Variants in NRXN1 observed in about 807,000 individuals in gnomAD.
The protein encoded by NRXN1 is neurexin 1.
In NRXN1, 39 loss-of-function variants were observed where a neutral mutation model predicts 150.9. That is an observed-to-expected ratio of 0.26 (90% CI 0.20 to 0.34). The LOEUF is 0.34. Ranked by LOEUF, NRXN1 falls within the 10% of genes least tolerant of loss-of-function variation. The probability of loss-of-function intolerance (pLI) is 1.00; values close to 1 mark genes in which losing one functional copy is unlikely to be tolerated. For synonymous variants in NRXN1, 924 were observed against 757.0 expected (o/e 1.22, Z -3.62); for missense variants, 1,815 against 1,949.9 (o/e 0.93, Z 1.30).
At chr2:49,980,878 C>T (rs1020920128) in intron 21 of NRXN1, among the ~76,000 whole-genome samples, 11 of 152,192 alleles carry the variant, frequency 7.2e-5, no homozygotes, top group Middle Eastern at 3.4e-3. Flanking sequence ...TGAGAACCTA[C>T]TGAAGTCAGA....
chr2:50,811,586 A>G lies in NRXN1; in HGVS notation c.832+110283T>C, dbSNP rs370685319. Among the ~76,000 whole-genome samples the G allele has an allele frequency of 3.2e-4, 49 of 152,270 alleles. No homozygotes were observed. The South Asian group carries it at 8.5e-3, about 26-fold the overall frequency. On this transcript the variant is annotated intron_variant, in intron 5 of 22. Transcript: ENST00000401669. ...TCCAAAGCACAGACAATTGCAACCA[A>G]TGTTCTAGAGTTACTTCTGAATATT...
chr2:50,312,750 A>G (rs1422145426), intron 17 of NRXN1: 1 of 516,882 alleles, frequency 1.9e-6, no homozygotes, highest in Non-Finnish European at 3.9e-6. Context: ...AGCCAAATAC[A>G]TATGTTGCAA....
At chr2:50,578,866 G>A (rs1039099089) in intron 8 of NRXN1, among the ~76,000 whole-genome samples, 8 of 151,932 alleles carry the variant, frequency 5.3e-5, no homozygotes, top group Non-Finnish European at 1.2e-4. Flanking sequence ...CACTGGAAAG[G>A]CATTGATGAG....
At chr2:50,752,956 T>C (rs912059707) in intron 5 of NRXN1, among the ~76,000 whole-genome samples, 2 of 151,990 alleles carry the variant, frequency 1.3e-5, no homozygotes, top group Admixed American at 1.3e-4. Context: ...CATTTAATTC[T>C]AATTTAATAG....
At chr2:50,940,621 TAACA>T (rs1689285778) in intron 2 of NRXN1, among the ~76,000 whole-genome samples, 2 of 152,110 alleles carry the variant, frequency 1.3e-5, no homozygotes, top group Admixed American at 6.6e-5. Context: ...AGACTTCAGA[TAACA>T]AACAAGATGA....
chr2:51,003,596 A>G (rs1700333087), intron 2 of NRXN1, among the ~76,000 whole-genome samples: 1 of 152,022 alleles, frequency 6.6e-6, no homozygotes, highest in African/African-American at 2.4e-5. Context: ...AATTGAAAAA[A>G]GGCAGACTGG....
chr2:50,822,129 A>C (rs1042292798), intron 5 of NRXN1, among the ~76,000 whole-genome samples: 1 of 152,158 alleles, frequency 6.6e-6, no homozygotes, highest in Non-Finnish European at 1.5e-5. Context: ...GAAAATAAAA[A>C]CAATTAGCTA....
chr2:50,874,328 C>A (rs1318221872), intron 5 of NRXN1, among the ~76,000 whole-genome samples: 1 of 151,832 alleles, frequency 6.6e-6, no homozygotes, highest in Non-Finnish European at 1.5e-5. Context: ...ACTATCAATT[C>A]TTTGTCAGGT....
In NRXN1 at chr2:50,841,410, C is replaced by T. The variant is rs1672855185; in HGVS notation, c.832+80459G>A. ...ATTACTGTGTTTGCCTCCATTTAAT[C>T]AGTTTTGCTTAAGCTTCTCCTATCC... is the stretch of plus-strand genomic sequence containing the variant. On this transcript the variant is annotated intron_variant, in intron 5 of 22. Transcript: ENST00000401669. 2.0e-5 allele frequency among the ~76,000 whole-genome samples: 3 copies of T among 152,130 alleles called. No homozygotes were observed. The South Asian group carries it at 6.2e-4, about 31-fold the overall frequency.
intron 21 of NRXN1, among the ~76,000 whole-genome samples, chr2:49,955,288 G>T (rs965077115): frequency 6.6e-6 from 1 of 152,080 alleles, no homozygotes. Flanking sequence ...AAGAGTGGGA[G>T]ATGAGAATTG....
At chr2:50,598,667 C>T (rs1394010872) in intron 8 of NRXN1, among the ~76,000 whole-genome samples, 3 of 143,114 alleles carry the variant, frequency 2.1e-5, no homozygotes, top group African/African-American at 5.1e-5. Context: ...CATATATATT[C>T]ATATATATGT....
intron 21 of NRXN1, among the ~76,000 whole-genome samples, chr2:50,026,859 C>CTTTTTT (rs57580154): frequency 0.011 from 703 of 65,208 alleles, 176 homozygotes; most frequent in East Asian, 0.017. Context: ...CTTTTCTTTT[C>CTTTTTT]TTTTTTTTTT....
chr2:50,666,884 T>TGC (rs1688119495), intron 5 of NRXN1, among the ~76,000 whole-genome samples: 3 of 150,338 alleles, frequency 2.0e-5, no homozygotes, highest in African/African-American at 7.4e-5. Flanking sequence ...TGATGATGTG[T>TGC]GTGTGTGTGT....
intron 5 of NRXN1, among the ~76,000 whole-genome samples, chr2:50,772,281 C>T (rs973489178): frequency 2.0e-5 from 3 of 151,214 alleles, no homozygotes; most frequent in Non-Finnish European, 2.9e-5. Flanking sequence ...GCAGGGTTTT[C>T]GAAATTCTTT....
At chr2:50,900,957 T>C (rs1004419180) in intron 5 of NRXN1, among the ~76,000 whole-genome samples, 12 of 152,290 alleles carry the variant, frequency 7.9e-5, no homozygotes, top group Non-Finnish European at 1.5e-4. Flanking sequence ...ATGCTGCCAG[T>C]GAAGGCCTTA....
intron 17 of NRXN1, among the ~76,000 whole-genome samples, chr2:50,292,120 A>C (rs1203612564): frequency 6.6e-6 from 1 of 152,140 alleles, no homozygotes; most frequent in Non-Finnish European, 1.5e-5. Flanking sequence ...GCCAAATCTG[A>C]CCCACTGCCT....
At chr2:51,029,351 T>A (rs2105341803) in intron 1 of NRXN1, among the ~76,000 whole-genome samples, 157 bp from the exon 2 acceptor site, 1 of 152,356 alleles carries the variant, frequency 6.6e-6, no homozygotes, top group South Asian at 2.1e-4. Flanking sequence ...TACAAGTAAG[T>A]CCTAACATTT....
intron 17 of NRXN1, among the ~76,000 whole-genome samples, chr2:50,275,125 G>A (rs560038618): frequency 6.6e-6 from 1 of 152,234 alleles, no homozygotes; most frequent in East Asian, 1.9e-4. Flanking sequence ...TTGGAAGTGA[G>A]GCTACTGGAC....
intron 8 of NRXN1, among the ~76,000 whole-genome samples, chr2:50,568,793 A>AT (rs772743421): frequency 2.0e-5 from 3 of 152,192 alleles, no homozygotes; most frequent in Non-Finnish European, 2.9e-5. Context: ...ACTAGTATAT[A>AT]TATACCTCAA....
Sources: allele counts gnomAD v4.1 joint callset (sites outside exome capture counted in the v4.1 genomes callset), GRCh38; gene constraint gnomAD v4.1.1; transcripts MANE v1.5; gene names NCBI Gene and HGNC (gene_info 2026-07-23, HGNC 2026-07-21).